Variants in DENND1A observed in about 807,000 individuals in gnomAD.
DENND1A encodes the protein DENN domain-containing protein 1A.
DENND1A carries 51 observed loss-of-function variants against 113.7 expected under a neutral mutation model. The observed-to-expected ratio is 0.45, with a 90% CI of 0.36 to 0.57. DENND1A has a LOEUF of 0.57. Ranked by LOEUF, DENND1A falls within the 20% of genes least tolerant of loss-of-function variation. The probability of loss-of-function intolerance (pLI) is 0.00; values close to 1 mark genes in which losing one functional copy is unlikely to be tolerated. For missense variants in DENND1A, 1,258 were observed against 1,395.9 expected, an observed-to-expected ratio of 0.90 and a Z score of 1.57; for synonymous variants, 565 against 570.8, an observed-to-expected ratio of 0.99 and a Z score of 0.14.
At chr9:123,402,242 GCACACA>G (rs60657662) in intron 21 of DENND1A, among the ~76,000 whole-genome samples, 2 of 128,022 alleles carry the variant, frequency 1.6e-5, no homozygotes, top group African/African-American at 2.7e-5. Flanking sequence ...GCGCACACGT[GCACACA>G]CACACACACA....
At chr9:123,875,696 GGA>G (rs1237651180) in intron 2 of DENND1A, among the ~76,000 whole-genome samples, 1 of 152,122 alleles carries the variant, frequency 6.6e-6, no homozygotes, top group Non-Finnish European at 1.5e-5. Context: ...AGACCCCAGG[GGA>G]GAGACTCACA....
At chr9:123,504,847 T>G (rs1477385045) in intron 13 of DENND1A, among the ~76,000 whole-genome samples, 1 of 152,194 alleles carries the variant, frequency 6.6e-6, no homozygotes, top group African/African-American at 2.4e-5. Context: ...TGCCTCCCCA[T>G]GCCTAGCTAA....
intron 22 of DENND1A, among the ~76,000 whole-genome samples, chr9:123,385,918 A>G (rs778075903): frequency 6.6e-6 from 1 of 152,184 alleles, no homozygotes; most frequent in Non-Finnish European, 1.5e-5. Context: ...ACTTCAGGAA[A>G]TAGTGTTCTT....
At chr9:123,525,184 C>T (rs989882593) in intron 13 of DENND1A, among the ~76,000 whole-genome samples, 1 of 152,208 alleles carries the variant, frequency 6.6e-6, no homozygotes, top group African/African-American at 2.4e-5. Flanking sequence ...GCAAGCTGTC[C>T]TTCTAAGCAC....
intron 4 of DENND1A, 42 bp from the exon 5 acceptor site, chr9:123,757,864 A>G (rs765043187): frequency 6.2e-7 from 1 of 1,603,102 alleles, no homozygotes; most frequent in East Asian, 2.2e-5. Flanking sequence ...AATGTGCAGT[A>G]AGTTTCTTGA....
intron 13 of DENND1A, among the ~76,000 whole-genome samples, chr9:123,504,888 A>C (rs1229247630): frequency 6.6e-6 from 1 of 152,172 alleles, no homozygotes; most frequent in Non-Finnish European, 1.5e-5. Context: ...AATGACACCA[A>C]CATGTTCTGC....
intron 1 of DENND1A, among the ~76,000 whole-genome samples, chr9:123,920,205 C>A (rs1167383625): frequency 3.3e-5 from 5 of 152,050 alleles, no homozygotes. Flanking sequence ...CCGAGGCGGG[C>A]GGATCACCTG....
intron 19 of DENND1A, chr9:123,437,716 T>C (rs4568669): frequency 0.58 from 88,091 of 151,722 alleles, 27,139 homozygotes; most frequent in Non-Finnish European, 0.69. Flanking sequence ...GCTGGTGAAG[T>C]GGCCCTGGGC....
chr9:123,793,816 T>G (rs1833368476), intron 2 of DENND1A, among the ~76,000 whole-genome samples: 1 of 152,156 alleles, frequency 6.6e-6, no homozygotes, highest in South Asian at 2.1e-4. Flanking sequence ...AACACAAGAC[T>G]AATAATAAAA....
At chr9:123,906,307 C>A (rs960385085) in intron 1 of DENND1A, among the ~76,000 whole-genome samples, 1 of 134,576 alleles carries the variant, frequency 7.4e-6, no homozygotes, top group African/African-American at 3.6e-5. Context: ...ACTAGAAAAG[C>A]AAGAGCAAAC....
chr9:123,512,613 A>G (rs1016469677), intron 13 of DENND1A, among the ~76,000 whole-genome samples: 1 of 152,230 alleles, frequency 6.6e-6, no homozygotes, highest in East Asian at 1.9e-4. Context: ...AGAGCGTCAC[A>G]GACCTCCCCA....
At chr9:123,667,972 A>G (rs1240276802) in intron 7 of DENND1A, among the ~76,000 whole-genome samples, 2 of 152,164 alleles carry the variant, frequency 1.3e-5, no homozygotes, top group Non-Finnish European at 2.9e-5. Context: ...GCGGAGTTGA[A>G]AAATTGACCT....
chr9:123,452,815 A>G (rs1432444795), intron 16 of DENND1A, among the ~76,000 whole-genome samples: 3 of 152,058 alleles, frequency 2.0e-5, no homozygotes, highest in Non-Finnish European at 4.4e-5. Flanking sequence ...TGGGAAATAC[A>G]TTGCCCTCAC....
chr9:123,781,268 A>T (rs1312333481), intron 3 of DENND1A, among the ~76,000 whole-genome samples: 1 of 152,206 alleles, frequency 6.6e-6, no homozygotes, highest in Admixed American at 6.5e-5. Context: ...GTGTAGTCAC[A>T]GTGCTCCCTT....
At chr9:123,547,346 A>C (rs1184537188) in intron 13 of DENND1A, among the ~76,000 whole-genome samples, 2 of 152,228 alleles carry the variant, frequency 1.3e-5, no homozygotes, top group Admixed American at 1.3e-4. Context: ...CCTGATCAAC[A>C]GGGAGAAACC....
At chr9:123,413,505 C>T in intron 19 of DENND1A, 1 of 985,470 alleles carries the variant, frequency 1.0e-6, no homozygotes. Context: ...CCCCACTACT[C>T]CTGGAGGGCA....
At chr9:123,516,722 C>T (rs1337976870) in intron 13 of DENND1A, among the ~76,000 whole-genome samples, 2 of 151,570 alleles carry the variant, frequency 1.3e-5, no homozygotes, top group African/African-American at 2.4e-5. Context: ...CCCATCTCTA[C>T]TAAAAATACA....
At chr9:123,897,655 C>T (rs1038131541) in intron 1 of DENND1A, among the ~76,000 whole-genome samples, 1 of 152,084 alleles carries the variant, frequency 6.6e-6, no homozygotes, top group Non-Finnish European at 1.5e-5. Flanking sequence ...CCAGGGCTCA[C>T]CTCGGAGCCT....
At chr9:123,819,073 A>G (rs995147767) in intron 2 of DENND1A, among the ~76,000 whole-genome samples, 1 of 152,228 alleles carries the variant, frequency 6.6e-6, no homozygotes, top group Non-Finnish European at 1.5e-5. Context: ...GGGTCCAGGA[A>G]GCTGGGCTTC....
Sources: allele counts gnomAD v4.1 joint callset (sites outside exome capture counted in the v4.1 genomes callset), GRCh38; gene constraint gnomAD v4.1.1; transcripts MANE v1.5; gene names NCBI Gene and HGNC (gene_info 2026-07-23, HGNC 2026-07-21).